ADGRA3: variants seen among roughly 807,000 people sequenced by gnomAD.
The protein encoded by ADGRA3 is G-protein coupled receptor 125.
A neutral mutation model predicts 119.8 loss-of-function variants in ADGRA3; 56 were observed. That is an observed-to-expected ratio of 0.47 (90% CI 0.38 to 0.58). The LOEUF is 0.58. Ranked by LOEUF, ADGRA3 falls within the 20% of genes least tolerant of loss-of-function variation. The probability of loss-of-function intolerance (pLI) is 0.00; values close to 1 mark genes in which losing one functional copy is unlikely to be tolerated. For missense variants in ADGRA3, 1,516 were observed against 1,649.0 expected (o/e 0.92, Z 1.40); for synonymous variants, 607 against 623.8 (o/e 0.97, Z 0.40).
Position 22,388,595 on chromosome 4 carries a change from C to A in ADGRA3, c.3076G>T (p.Val1026Phe), listed in dbSNP as rs772999406. 2 of 1,613,908 alleles carry A rather than the reference C, an allele frequency of 1.2e-6. No individual in the cohort carries two copies. The highest frequency in any genetic ancestry group is 1.7e-5 in the Admixed American group (1 of 59,980). ...AVSLYYPLDL[V>F]FSFVFGATSL... ...GTGGCTCCAAAAACGAAGCTAAAAA[C>A]CAAGTCCAAAGGGTAATACAAAGAA... is the stretch of plus-strand genomic sequence containing the variant. The change falls in exon 19 of 19, where the codon GTT (valine) becomes TTT (phenylalanine). Residue 1026 changes from valine (V) to phenylalanine (F), a missense_variant. By Grantham distance (50) the Val-to-Phe change is conservative. Coordinates refer to ENST00000334304, the MANE Select transcript of ADGRA3 (RefSeq NM_145290.4).
At chr4:22,425,304 T>A (rs1295310529) in intron 10 of ADGRA3, among the ~76,000 whole-genome samples, 1 of 152,230 alleles carries the variant, frequency 6.6e-6, no homozygotes, top group Non-Finnish European at 1.5e-5. Flanking sequence ...ATAAATGCAC[T>A]CTTCCACTGT....
At chr4:22,436,144 G>A (rs1462997) in intron 9 of ADGRA3, among the ~76,000 whole-genome samples, 93,058 of 151,826 alleles carry the variant, frequency 0.61, 30,977 homozygotes, top group Non-Finnish European at 0.74. Context: ...CCAAGAGGTG[G>A]CTTTCAATGT....
At chr4:22,435,755 A>G (rs892994989) in intron 9 of ADGRA3, among the ~76,000 whole-genome samples, 3 of 152,188 alleles carry the variant, frequency 2.0e-5, no homozygotes, top group African/African-American at 7.2e-5. Context: ...CAAATTCTAC[A>G]CATACCTCAA....
intron 12 of ADGRA3, among the ~76,000 whole-genome samples, chr4:22,416,149 A>C (rs1482107876): frequency 1.3e-5 from 2 of 152,176 alleles, no homozygotes; most frequent in Non-Finnish European, 2.9e-5. Flanking sequence ...GTCACCGCAA[A>C]ACACTTACTT....
intron 16 of ADGRA3, chr4:22,394,561 A>G (rs1714275411): frequency 6.6e-6 from 1 of 152,246 alleles, no homozygotes; most frequent in East Asian, 1.9e-4. Context: ...TTTGATGCAT[A>G]GAAACCAATA....
chr4:22,459,432 T>C (rs1255386539), intron 3 of ADGRA3, among the ~76,000 whole-genome samples: 1 of 151,712 alleles, frequency 6.6e-6, no homozygotes, highest in Non-Finnish European at 1.5e-5. Flanking sequence ...CAAGTTTACC[T>C]ACGCAACAAA....
intron 1 of ADGRA3, among the ~76,000 whole-genome samples, chr4:22,486,728 T>C (rs959603107): frequency 6.6e-6 from 1 of 152,200 alleles, no homozygotes; most frequent in Non-Finnish European, 1.5e-5. Flanking sequence ...GAGCATTTAA[T>C]AGTAATCACA....
chr4:22,404,571 C>A (rs73800934), intron 14 of ADGRA3, among the ~76,000 whole-genome samples: 1 of 152,132 alleles, frequency 6.6e-6, no homozygotes, highest in Non-Finnish European at 1.5e-5. Context: ...TATTGAGTGC[C>A]GGCCATGGTC....
At chr4:22,462,142 A>G (rs1403107910) in intron 2 of ADGRA3, among the ~76,000 whole-genome samples, 1 of 152,232 alleles carries the variant, frequency 6.6e-6, no homozygotes, top group Non-Finnish European at 1.5e-5. Context: ...TTAGTATGCC[A>G]TACTTTGAAT....
At chr4:22,442,394 T>G (rs1341248012) in intron 7 of ADGRA3, among the ~76,000 whole-genome samples, 1 of 152,100 alleles carries the variant, frequency 6.6e-6, no homozygotes, top group Non-Finnish European at 1.5e-5. Flanking sequence ...ACATTTTTCC[T>G]CCAAAAACTT....
At chr4:22,497,693 G>A (rs991333853) in intron 1 of ADGRA3, among the ~76,000 whole-genome samples, 1 of 151,066 alleles carries the variant, frequency 6.6e-6, no homozygotes, top group Non-Finnish European at 1.5e-5. Flanking sequence ...CATGGTGGCG[G>A]GCGCCTATAA....
intron 4 of ADGRA3, among the ~76,000 whole-genome samples, chr4:22,452,223 T>C (rs897668362): frequency 4.6e-5 from 7 of 151,982 alleles, no homozygotes; most frequent in African/African-American, 9.7e-5. Flanking sequence ...AAATCCACAA[T>C]AGGAATGATA....
chr4:22,438,852 C>G (rs1387618700), intron 7 of ADGRA3, among the ~76,000 whole-genome samples: 1 of 152,024 alleles, frequency 6.6e-6, no homozygotes, highest in Non-Finnish European at 1.5e-5. Flanking sequence ...TAAAAGTTAG[C>G]CGGGTGTTGT....
At chr4:22,401,080 C>T (rs944763291) in intron 16 of ADGRA3, among the ~76,000 whole-genome samples, 1 of 152,204 alleles carries the variant, frequency 6.6e-6, no homozygotes, top group South Asian at 2.1e-4. Context: ...TTCATCAACA[C>T]ATAAAATAAT....
chr4:22,472,763 G>A (rs1353576207), intron 2 of ADGRA3, among the ~76,000 whole-genome samples: 2 of 152,160 alleles, frequency 1.3e-5, no homozygotes, highest in African/African-American at 4.8e-5. Context: ...CAGAGAAGTG[G>A]AGAAAGTGAA....
At chr4:22,403,288 G>A (rs970421647) in intron 14 of ADGRA3, among the ~76,000 whole-genome samples, 19 of 152,052 alleles carry the variant, frequency 1.2e-4, no homozygotes, top group Non-Finnish European at 2.8e-4. Flanking sequence ...ACACTGCATA[G>A]GGCATTGGAG....
chr4:22,443,786 C>A (rs1176885909), intron 6 of ADGRA3, among the ~76,000 whole-genome samples: 1 of 152,114 alleles, frequency 6.6e-6, no homozygotes, highest in Non-Finnish European at 1.5e-5. Context: ...GGTCTTAACA[C>A]TAGCTATTTT....
rs992059067 is a variant in ADGRA3 at position 22,515,665 on chromosome 4, G to A, written c.120C>T (p.Pro40=). ...GGGGGGAAAL[P]AGCKHDGRPR... Reference sequence around the variant, plus strand: ...GCCGCCCATCGTGCTTGCAGCCGGCGGGCAGCGCCGCGGCGCCGCCGCCGC... The same window carrying A: ...GCCGCCCATCGTGCTTGCAGCCGGCAGGCAGCGCCGCGGCGCCGCCGCCGC... Residue 40 remains proline (P), a synonymous_variant, in exon 1 of 19, where the codon CCC becomes CCT. Transcript: ENST00000334304. 7 of 1,203,122 alleles carry A rather than the reference G, an allele frequency of 5.8e-6. No homozygotes were observed. The highest frequency in any genetic ancestry group is 9.0e-5 in the Admixed American group (2 of 22,120). 74.5% of individuals were successfully genotyped at this position (1,203,122 alleles called of 1,614,324 possible).
intron 14 of ADGRA3, among the ~76,000 whole-genome samples, chr4:22,409,136 C>T (rs761626398): frequency 3.4e-4 from 51 of 152,150 alleles, no homozygotes; most frequent in Admixed American, 1.8e-3. Context: ...CACTGTCCAG[C>T]ACTCTACTAC....
Sources: allele counts gnomAD v4.1 joint callset (sites outside exome capture counted in the v4.1 genomes callset), GRCh38; gene constraint gnomAD v4.1.1; transcripts MANE v1.5; gene names NCBI Gene and HGNC (gene_info 2026-07-23, HGNC 2026-07-21).